CTNNA3: variants seen among roughly 807,000 people sequenced by gnomAD.
CTNNA3 encodes the protein catenin alpha-3.
In CTNNA3, 76 loss-of-function variants were observed where a neutral mutation model predicts 95.7. That is an observed-to-expected ratio of 0.79 (90% CI 0.66 to 0.96). The LOEUF (loss-of-function observed/expected upper bound fraction) is 0.96. Ranked by LOEUF, CTNNA3 falls within the 40% of genes least tolerant of loss-of-function variation. CTNNA3 has a pLI of 0.00. For missense variants in CTNNA3, 1,191 were observed against 1,089.8 expected (o/e 1.09, Z -1.31); for synonymous variants, 431 against 374.4 (o/e 1.15, Z -1.74).
intron 17 of CTNNA3, among the ~76,000 whole-genome samples, chr10:65,925,794 T>G (rs2077160850): frequency 6.6e-6 from 1 of 152,172 alleles, no homozygotes; most frequent in African/African-American, 2.4e-5. Flanking sequence ...CTGTAGTATA[T>G]AAGTGTTTAT....
chr10:66,163,216 C>G (rs2084941029), intron 13 of CTNNA3, among the ~76,000 whole-genome samples: 1 of 152,108 alleles, frequency 6.6e-6, no homozygotes, highest in East Asian at 1.9e-4. Flanking sequence ...CTCCCCATTT[C>G]TGGCCAGGAG....
At chr10:67,097,698 C>A in intron 7 of CTNNA3, 1 of 1,612,624 alleles carries the variant, frequency 6.2e-7, no homozygotes, top group Non-Finnish European at 8.5e-7. Context: ...AACGAATGCA[C>A]AGGAAGATAC....
At chr10:67,511,076 C>T (rs1170801224) in intron 5 of CTNNA3, among the ~76,000 whole-genome samples, 1 of 152,144 alleles carries the variant, frequency 6.6e-6, no homozygotes, top group African/African-American at 2.4e-5. Context: ...TTTTTATCAG[C>T]TTAAGGAGAT....
At chr10:66,900,922 A>G (rs1317388405) in intron 7 of CTNNA3, among the ~76,000 whole-genome samples, 1 of 152,220 alleles carries the variant, frequency 6.6e-6, no homozygotes, top group Non-Finnish European at 1.5e-5. Context: ...TGAAAGTGAC[A>G]CGGAGAATGG....
At chr10:67,356,212 TA>T (rs2132657392) in intron 5 of CTNNA3, among the ~76,000 whole-genome samples, 1 of 152,112 alleles carries the variant, frequency 6.6e-6, no homozygotes, top group Non-Finnish European at 1.5e-5. Context: ...TTGCTGTAAA[TA>T]AAAGCCAGTT....
chr10:67,635,792 A>G (rs1839291936), intron 2 of CTNNA3, among the ~76,000 whole-genome samples: 1 of 152,204 alleles, frequency 6.6e-6, no homozygotes, highest in Non-Finnish European at 1.5e-5. Context: ...CCTATTCAAC[A>G]TAGTATCAAA....
intron 7 of CTNNA3, among the ~76,000 whole-genome samples, chr10:67,033,482 T>C (rs939907361): frequency 1.3e-5 from 2 of 152,232 alleles, no homozygotes; most frequent in Non-Finnish European, 2.9e-5. Flanking sequence ...TGAAAACCAT[T>C]ACTGTATACT....
At chr10:67,632,165 C>CACAG (rs1491263572) in intron 2 of CTNNA3, among the ~76,000 whole-genome samples, 1 of 147,902 alleles carries the variant, frequency 6.8e-6, no homozygotes, top group Non-Finnish European at 1.5e-5. Context: ...CACACACACA[C>CACAG]AGTGGTAACT....
intron 5 of CTNNA3, among the ~76,000 whole-genome samples, chr10:67,288,826 G>C (rs536229236): frequency 6.6e-6 from 1 of 152,076 alleles, no homozygotes; most frequent in Non-Finnish European, 1.5e-5. Flanking sequence ...CTAAATGATA[G>C]GTAAGTTTAG....
At position 67,744,622 on chromosome 10, in the gene CTNNA3, G is replaced by C. The variant is rs528549504; in HGVS notation, c.-2+18812C>G. The stretch of plus-strand genomic sequence containing the variant: ...GGACTTCATGTCTAAAACACCAAAA[G>C]CAATGGCAACAAAAGCCAAAATTGA... On this transcript the variant is annotated intron_variant, in intron 1 of 17. Transcript: ENST00000684154. Among the ~76,000 whole-genome samples, 181 of 151,068 alleles carry C rather than the reference G, an allele frequency of 1.2e-3. 2 individuals carry two copies. The highest frequency in any genetic ancestry group is 4.3e-3 in the African/African-American group (177 of 41,306).
intron 7 of CTNNA3, among the ~76,000 whole-genome samples, chr10:66,862,372 G>T (rs1843974412): frequency 6.6e-6 from 1 of 152,162 alleles, no homozygotes; most frequent in South Asian, 2.1e-4. Flanking sequence ...TATCAGTGAT[G>T]TTAAGTGAGG....
At position 67,687,247 on chromosome 10, in the gene CTNNA3, G is replaced by T. The variant is rs144056764; in HGVS notation, c.-6+8753C>A. Among the ~76,000 whole-genome samples, 3,309 of 152,224 alleles carry T rather than the reference G, an allele frequency of 0.022. 235 individuals carry two copies. The East Asian group carries it at 0.24, about 11-fold the overall frequency. On this transcript the variant is annotated intron_variant, in intron 1 of 17. Coordinates refer to ENST00000433211, the MANE Select transcript of CTNNA3 (RefSeq NM_013266.4). ...AGGGTGATGACATGAGCTGGCACTT[G>T]CCCCGGGCATCCTCAGTCCTGTTGT...
intron 7 of CTNNA3, among the ~76,000 whole-genome samples, chr10:67,090,533 G>A (rs1462526288): frequency 1.3e-5 from 2 of 152,038 alleles, no homozygotes; most frequent in Non-Finnish European, 2.9e-5. Flanking sequence ...TGGTTAAGAA[G>A]GCAGGCAACC....
chr10:66,500,443 T>G (rs1377854208), intron 11 of CTNNA3, among the ~76,000 whole-genome samples: 1 of 152,170 alleles, frequency 6.6e-6, no homozygotes, highest in African/African-American at 2.4e-5. Flanking sequence ...AGCTTAAAAT[T>G]CAGTGGTTGA....
chr10:67,323,606 T>G (rs1468016926), intron 5 of CTNNA3, among the ~76,000 whole-genome samples: 1 of 152,218 alleles, frequency 6.6e-6, no homozygotes, highest in African/African-American at 2.4e-5. Flanking sequence ...CATGCTGTTT[T>G]GGTTATTGCA....
rs908777803 is a variant in CTNNA3 at position 67,330,494 on chromosome 10, G to A, written c.580-110624C>T. On this transcript the variant is annotated intron_variant, in intron 5 of 17. Coordinates refer to ENST00000433211, the MANE Select transcript of CTNNA3 (RefSeq NM_013266.4). The stretch of plus-strand genomic sequence containing the variant: ...GTGACTGACACACTGAAAGATAAGC[G>A]CAGCATATATTACTATCATTATATC... Among the ~76,000 whole-genome samples, 6 of 152,222 alleles carry A rather than the reference G, an allele frequency of 3.9e-5. No individual in the cohort carries two copies. In the South Asian group the frequency reaches 6.2e-4, roughly 16 times the overall value.
chr10:67,359,490 A>T (rs1271369885), intron 5 of CTNNA3, among the ~76,000 whole-genome samples: 5 of 152,136 alleles, frequency 3.3e-5, no homozygotes. Flanking sequence ...GAAGCAAGTA[A>T]AACGATCTAA....
intron 15 of CTNNA3, among the ~76,000 whole-genome samples, chr10:66,023,919 T>C (rs2079277113): frequency 6.6e-6 from 1 of 152,138 alleles, no homozygotes; most frequent in South Asian, 2.1e-4. Context: ...CATATGAAAC[T>C]CGTTCTACGA....
At chr10:66,907,718 G>A (rs1176885139) in intron 7 of CTNNA3, among the ~76,000 whole-genome samples, 1 of 152,038 alleles carries the variant, frequency 6.6e-6, no homozygotes, top group Admixed American at 6.6e-5. Context: ...TCAAGTAGTT[G>A]GGAATATCTA....
Sources: gnomAD v4.1 joint callset for allele counts (sites outside exome capture counted in the v4.1 genomes callset) on GRCh38, gnomAD v4.1.1 for gene constraint, MANE v1.5 for transcripts, NCBI Gene and HGNC (gene_info 2026-07-23, HGNC 2026-07-21) for gene names.